The following GRHL1 variants were observed in gnomAD, a reference collection of about 807,000 sequenced individuals.
The protein encoded by GRHL1 is grainyhead-like protein 1 homolog.
Under a neutral mutation model 75.7 loss-of-function variants are expected in GRHL1, and 38 were observed. The observed-to-expected ratio is 0.50, with a 90% CI of 0.39 to 0.66. GRHL1 has a LOEUF of 0.66. Among genes scored for constraint, GRHL1 ranks in the 30% least tolerant of loss-of-function variants. The pLI is 0.00. For missense variants in GRHL1, 589 were observed against 767.5 expected, an observed-to-expected ratio of 0.77 and a Z score of 2.75; for synonymous variants, 266 against 279.4, an observed-to-expected ratio of 0.95 and a Z score of 0.48.
chr2:9,988,024 A>C (rs747391076), intron 9 of GRHL1, among the ~76,000 whole-genome samples: 1 of 152,194 alleles, frequency 6.6e-6, no homozygotes, highest in Non-Finnish European at 1.5e-5. Context: ...CACAAAGCAC[A>C]GTGGCTGAGC....
At chr2:9,996,944 G>A (rs1387655914) in intron 14 of GRHL1, among the ~76,000 whole-genome samples, 2 of 152,216 alleles carry the variant, frequency 1.3e-5, no homozygotes, top group Non-Finnish European at 2.9e-5. Context: ...ATCAGTAAGA[G>A]AGGAAACATG....
chr2:9,989,362 A>G (rs1231969219), intron 9 of GRHL1, among the ~76,000 whole-genome samples: 2 of 152,202 alleles, frequency 1.3e-5, no homozygotes, highest in Admixed American at 6.5e-5. Context: ...ATTAATTCCA[A>G]TAAGTCAAGC....
chr2:9,997,442 G>A (rs949499010), intron 14 of GRHL1, among the ~76,000 whole-genome samples: 10 of 152,104 alleles, frequency 6.6e-5, no homozygotes, highest in Non-Finnish European at 1.3e-4. Context: ...AGGCAGCGCC[G>A]TTCCCACTGT....
chr2:9,955,155 C>T, intron 2 of GRHL1, 54 bp downstream of exon 2: 1 of 1,177,908 alleles, frequency 8.5e-7, no homozygotes, highest in Non-Finnish European at 1.2e-6. Context: ...GCACTTGATT[C>T]AGCAGCATAG....
At chr2:9,972,062 C>G (rs923792068) in intron 8 of GRHL1, among the ~76,000 whole-genome samples, 4 of 152,166 alleles carry the variant, frequency 2.6e-5, no homozygotes, top group African/African-American at 9.7e-5. Context: ...GAAGCTGTCT[C>G]TGGACCAGGG....
At chr2:9,998,044 T>A (rs1338002848) in intron 14 of GRHL1, among the ~76,000 whole-genome samples, 4 of 152,086 alleles carry the variant, frequency 2.6e-5, no homozygotes, top group Non-Finnish European at 5.9e-5. Flanking sequence ...TGGGGTCTGG[T>A]CTGAAACACG....
intron 12 of GRHL1, 138 bp downstream of exon 12, chr2:9,993,382 C>T (rs1668726641): frequency 2.9e-6 from 2 of 693,912 alleles, no homozygotes; most frequent in South Asian, 3.2e-5. Context: ...TGGCCCATCA[C>T]TCCTGAATAT....
chr2:9,973,551 T>C (rs1476672652), intron 8 of GRHL1, among the ~76,000 whole-genome samples: 4 of 152,254 alleles, frequency 2.6e-5, no homozygotes, highest in African/African-American at 9.6e-5. Context: ...TATAACTGTA[T>C]ATAAATGTCT....
intron 7 of GRHL1, chr2:9,965,021 G>T: frequency 2.7e-6 from 1 of 367,442 alleles, no homozygotes; most frequent in Non-Finnish European, 4.9e-6. Context: ...TTGTGACCTT[G>T]GGACTGTTAT....
intron 12 of GRHL1, among the ~76,000 whole-genome samples, chr2:9,993,946 T>C (rs1047253060): frequency 2.0e-5 from 3 of 152,218 alleles, no homozygotes; most frequent in Non-Finnish European, 4.4e-5. Flanking sequence ...TTTCCTGTTT[T>C]ATTCAATAAG....
At position 9,958,839 on chromosome 2, in the gene GRHL1, G is replaced by A; in HGVS notation, c.261G>A (p.Glu87=). 6.2e-7 allele frequency: 1 copy of A among 1,613,758 alleles called. No homozygotes were observed. The highest frequency in any genetic ancestry group is 8.5e-7 in the Non-Finnish European group (1 of 1,179,696). ...CAAAGCCAGAGGTGGAGCACCCTGA[G>A]CCAGATCACAGCAAAAGGTAACATT... ...STAKPEVEHP[E]PDHSKRNSIP... is the part of the protein sequence containing the mutation. Residue 87 remains glutamate, a synonymous_variant, in exon 3 of 16, where the codon GAG becomes GAA. Transcript: ENST00000324907.
intron 4 of GRHL1, among the ~76,000 whole-genome samples, chr2:9,961,684 AG>A (rs1313992704): frequency 3.9e-5 from 6 of 152,206 alleles, no homozygotes; most frequent in Admixed American, 3.9e-4. Context: ...ATTTCAGCTA[AG>A]GGATTTGCTG....
At chr2:9,975,333 G>T (rs1018090797) in intron 8 of GRHL1, among the ~76,000 whole-genome samples, 2 of 152,210 alleles carry the variant, frequency 1.3e-5, no homozygotes, top group Non-Finnish European at 2.9e-5. Flanking sequence ...AACTAAAAGT[G>T]AATACACACA....
At position 9,975,506 on chromosome 2, in the gene GRHL1, T is replaced by G. The variant is rs1050436241; in HGVS notation, c.1110+10125T>G. On this transcript the variant is annotated intron_variant, in intron 8 of 15. Transcript: ENST00000324907. ...TTAAGTATTCAGCAAATATTTACTGTTCAGTATGTGTAAAATACTGCTTGG... is the reference window on the plus strand; with the variant it reads ...TTAAGTATTCAGCAAATATTTACTGGTCAGTATGTGTAAAATACTGCTTGG... Among the ~76,000 whole-genome samples, 9 of 152,310 alleles carry G rather than the reference T, an allele frequency of 5.9e-5. No homozygotes were observed. In the South Asian group the frequency reaches 1.0e-3, roughly 18 times the overall value.
intron 1 of GRHL1, among the ~76,000 whole-genome samples, chr2:9,954,549 G>C (rs1226317422): frequency 6.6e-6 from 1 of 152,182 alleles, no homozygotes. Flanking sequence ...TCCTGATTGT[G>C]TGTTGGAAGA....
chr2:9,961,583 T>G, intron 4 of GRHL1, 147 bp downstream of exon 4: 1 of 673,680 alleles, frequency 1.5e-6, no homozygotes, highest in Non-Finnish European at 2.4e-6. Flanking sequence ...AAAAGGCCCA[T>G]GGGTATAATT....
Position 9,996,368 on chromosome 2 carries a change from C to G in GRHL1, c.1644C>G (p.Leu548=). The change falls in exon 14 of 16, where the codon CTC becomes CTG. Residue 548 remains leucine, a synonymous_variant. Transcript: ENST00000324907. ...AAGAAGTCTTTGATGCCCTGATGCT[C>G]AAAACCCCATCTTTGAAGGGCTTGA... The part of the protein sequence containing the change: ...ESEEVFDALM[L]KTPSLKGLME... 2 of 1,612,614 alleles carry G rather than the reference C, an allele frequency of 1.2e-6. No individual in the cohort carries two copies. Among genetic ancestry groups the G allele is most frequent in the Non-Finnish European group, 1.7e-6 (2 of 1,178,654 alleles).
rs568531414 is a variant in GRHL1 at position 10,002,273 on chromosome 2, C to T, written c.*1566C>T. On this transcript the variant is annotated 3_prime_UTR_variant, in exon 16 of 16. Transcript: ENST00000324907. ...GGAATTAAATTTTATATGTCTATTT[C>T]GTAATATGTCATTTCCTGTTTTTCA... 13 of 152,630 alleles carry T rather than the reference C, an allele frequency of 8.5e-5. No homozygotes were observed. The highest frequency in any genetic ancestry group is 1.9e-4 in the African/African-American group (8 of 41,526). The allele number at this position is 152,630 out of a possible 1,614,324, so 9.5% of individuals were successfully genotyped here. A position where few individuals can be genotyped will look rare whatever the true frequency, so the allele number is the denominator to read the frequency against.
At position 9,964,330 on chromosome 2, in the gene GRHL1, A is replaced by C; in HGVS notation, c.999A>C (p.Gln333His). ...ACTCCCGGCAGCACACCGCTAAACA[A>C]AGATGCATTGACATAGGTAAGCAGC... ...YWHSRQHTAK[Q>H]RCIDIADYKE... The change falls in exon 7 of 16, where the codon CAA (glutamine) becomes CAC (histidine). Residue 333 changes from glutamine (Q) to histidine (H), a missense_variant. Coordinates refer to ENST00000324907, the MANE Select transcript of GRHL1 (RefSeq NM_198182.3). The C allele has an allele frequency of 6.3e-7, 1 of 1,586,234 alleles. No individual in the cohort carries two copies. The highest frequency in any genetic ancestry group is 2.2e-5 in the East Asian group (1 of 44,768).
Sources: allele counts gnomAD v4.1 joint callset (sites outside exome capture counted in the v4.1 genomes callset), GRCh38; gene constraint gnomAD v4.1.1; transcripts MANE v1.5; gene names NCBI Gene and HGNC (gene_info 2026-07-23, HGNC 2026-07-21).